Variants in MRC1 observed in about 807,000 individuals in gnomAD.
MRC1 encodes the protein mannose receptor C-type 1, also known as macrophage mannose receptor 1.
In MRC1, 62 loss-of-function variants were observed where a neutral mutation model predicts 102.9. That is an observed-to-expected ratio of 0.60 (90% confidence interval 0.49 to 0.74). The LOEUF (loss-of-function observed/expected upper bound fraction) is 0.74. Among genes scored for constraint, MRC1 ranks in the 30% least tolerant of loss-of-function variants. The pLI is 0.00. For synonymous variants in MRC1, 457 were observed against 298.4 expected (o/e 1.53, Z -5.48); for missense variants, 1,237 against 862.8 (o/e 1.43, Z -5.43).
At chr10:17,909,725 G>A (rs1833943990) in intron 29 of MRC1, among the ~76,000 whole-genome samples, 2 of 142,358 alleles carry the variant, frequency 1.4e-5, no homozygotes, top group South Asian at 4.5e-4. Flanking sequence ...CACTCATTTT[G>A]TTGGCTGCTT....
intron 5 of MRC1, among the ~76,000 whole-genome samples, chr10:17,843,910 G>A (rs525830): frequency 6.6e-6 from 1 of 151,850 alleles, no homozygotes; most frequent in African/African-American, 2.4e-5. Flanking sequence ...CAAAGCATAG[G>A]TATTAACAGA....
At chr10:17,849,455 A>T in intron 6 of MRC1, 124 bp from the exon 7 acceptor site, 1 of 620,670 alleles carries the variant, frequency 1.6e-6, no homozygotes, top group Non-Finnish European at 2.9e-6. Flanking sequence ...TAAAAACTAA[A>T]TGTTACCTTT....
chr10:17,834,186 C>T (rs1554839286), intron 4 of MRC1, among the ~76,000 whole-genome samples: 1 of 152,210 alleles, frequency 6.6e-6, no homozygotes, highest in African/African-American at 2.4e-5. Flanking sequence ...TCATCCAGGT[C>T]TAACCTGAAG....
intron 12 of MRC1, 79 bp downstream of exon 12, chr10:17,866,840 A>G: frequency 2.6e-6 from 2 of 776,104 alleles, no homozygotes; most frequent in East Asian, 4.9e-5. Context: ...CATAGAAAAC[A>G]AACAAAAACC....
At chr10:17,860,948 CAG>C (rs1328774822) in intron 9 of MRC1, among the ~76,000 whole-genome samples, 8 of 152,190 alleles carry the variant, frequency 5.3e-5, no homozygotes, top group Non-Finnish European at 1.0e-4. Context: ...TCAGATTCTT[CAG>C]AGTTGTGTTC....
Position 17,817,855 on chromosome 10 carries a change from G to A in MRC1, c.62-5219G>A, listed in dbSNP as rs1424335825. On this transcript the variant is annotated intron_variant, in intron 1 of 29. Transcript: ENST00000569591. ...TGCCACAAGCTGCCTTTTGGCCAAC[G>A]TCTTGAATACGCCTTCAGAGGAAGA... is the stretch of plus-strand genomic sequence containing the variant. Among the ~76,000 whole-genome samples the A allele has an allele frequency of 6.6e-5, 10 of 152,306 alleles. 1 individual carries two copies. The South Asian group carries it at 1.9e-3, about 28-fold the overall frequency.
chr10:17,827,471 G>A lies in MRC1; in HGVS notation c.464-71G>A, dbSNP rs1037710874. On this transcript the variant is annotated intron_variant, in intron 2 of 29. Coordinates refer to ENST00000569591, the MANE Select transcript of MRC1 (RefSeq NM_002438.4). Reference sequence around the variant, plus strand: ...ACAGTAAGACCAATTCCTTCAGTAGGCTTCTTATTGGAAAGTTAATGTTCA... The same window carrying A: ...ACAGTAAGACCAATTCCTTCAGTAGACTTCTTATTGGAAAGTTAATGTTCA... 65 of 688,088 alleles carry A rather than the reference G, an allele frequency of 9.4e-5. 1 individual carries two copies. The highest frequency in any genetic ancestry group is 2.0e-4 in the Admixed American group (11 of 55,216). 42.6% of individuals were successfully genotyped at this position (688,088 alleles called of 1,614,324 possible).
At chr10:17,855,168 G>A (rs1833064979) in intron 8 of MRC1, among the ~76,000 whole-genome samples, 1 of 152,164 alleles carries the variant, frequency 6.6e-6, no homozygotes, top group Non-Finnish European at 1.5e-5. Context: ...AAAGATGACT[G>A]TGGTTTCATG....
chr10:17,896,173 G>A (rs1046742440), intron 23 of MRC1, among the ~76,000 whole-genome samples: 1 of 152,102 alleles, frequency 6.6e-6, no homozygotes, highest in Non-Finnish European at 1.5e-5. Context: ...TTAAAGGATG[G>A]GTTTGTGTTG....
chr10:17,835,061 A>G (rs1434152771), intron 4 of MRC1, among the ~76,000 whole-genome samples: 1 of 152,180 alleles, frequency 6.6e-6, no homozygotes, highest in Non-Finnish European at 1.5e-5. Context: ...CATCTGTACT[A>G]TTCCCGGTCT....
At chr10:17,856,179 A>G (rs1833089225) in intron 8 of MRC1, 63 bp from the exon 9 acceptor site, 5 of 730,926 alleles carry the variant, frequency 6.8e-6, no homozygotes, top group African/African-American at 3.6e-5. Flanking sequence ...CAAAAAAAAA[A>G]AAAAAAAAAA....
Position 17,894,255 on chromosome 10 carries a change from A to G in MRC1, c.3193A>G (p.Lys1065Glu). 1 of 872,708 alleles carries G rather than the reference A, an allele frequency of 1.1e-6. No individual in the cohort carries two copies. Among genetic ancestry groups the G allele is most frequent in the Non-Finnish European group, 2.0e-6 (1 of 501,512 alleles). The allele number at this position is 872,708 out of a possible 1,614,324, so 54.1% of individuals were successfully genotyped here. A position where few individuals can be genotyped will look rare whatever the true frequency, so the allele number is the denominator to read the frequency against. Residue 1065 changes from lysine (K) to glutamate (E), a missense_variant, in exon 23 of 30, where the codon AAA (lysine) becomes GAA (glutamate). By Grantham distance (56) the Lys-to-Glu change is moderately conservative. Transcript: ENST00000569591. ...IIGGASNEAG[K>E]WMDDTCDSKR... ...TGGAGGTGCATCAAATGAAGCAGGA[A>G]AATGGATGGATGATACCTGCGACAG...
chr10:17,812,461 T>C (rs1269941123), intron 1 of MRC1, among the ~76,000 whole-genome samples: 1 of 152,176 alleles, frequency 6.6e-6, no homozygotes, highest in Non-Finnish European at 1.5e-5. Context: ...TATGCTGTTT[T>C]GCTGTTTACT....
intron 17 of MRC1, among the ~76,000 whole-genome samples, chr10:17,875,733 CA>C (rs1271170168): frequency 6.6e-6 from 1 of 152,154 alleles, no homozygotes; most frequent in Admixed American, 6.5e-5. Flanking sequence ...AACGTGTGTG[CA>C]AGTGTCTTTT....
intron 16 of MRC1, 131 bp downstream of exon 16, chr10:17,873,956 G>C (rs1200029897): frequency 1.4e-6 from 1 of 709,138 alleles, no homozygotes; most frequent in African/African-American, 1.8e-5. Flanking sequence ...GAGTGAGAAC[G>C]TCATGGAAAT....
chr10:17,860,043 C>G (rs1327812256), intron 9 of MRC1, among the ~76,000 whole-genome samples: 1 of 152,112 alleles, frequency 6.6e-6, no homozygotes, highest in Non-Finnish European at 1.5e-5. Flanking sequence ...CTCCCTGCCT[C>G]AAGTGAGACA....
intron 23 of MRC1, among the ~76,000 whole-genome samples, chr10:17,896,117 A>G (rs973806128): frequency 8.5e-5 from 13 of 152,158 alleles, no homozygotes; most frequent in Non-Finnish European, 1.9e-4. Flanking sequence ...AGATTAGACA[A>G]GAGGGTTGAA....
At chr10:17,869,832 G>C (rs1477866185) in intron 12 of MRC1, among the ~76,000 whole-genome samples, 1 of 152,134 alleles carries the variant, frequency 6.6e-6, no homozygotes, top group Non-Finnish European at 1.5e-5. Flanking sequence ...TTTTAGAAAA[G>C]TTATTTTCCT....
intron 11 of MRC1, among the ~76,000 whole-genome samples, chr10:17,864,713 C>G (rs1205822795): frequency 4.0e-5 from 6 of 151,668 alleles, no homozygotes; most frequent in Non-Finnish European, 7.4e-5. Context: ...CCTGTCATCC[C>G]AGCTACTTGG....
Sources: gnomAD v4.1 joint callset for allele counts (sites outside exome capture counted in the v4.1 genomes callset) on GRCh38, gnomAD v4.1.1 for gene constraint, MANE v1.5 for transcripts, NCBI Gene and HGNC (gene_info 2026-07-23, HGNC 2026-07-21) for gene names.